Variants in COPG2 observed in about 807,000 individuals in gnomAD.
COPG2 encodes the protein coat protein complex I subunit gamma 2.
In COPG2, 37 loss-of-function variants were observed where a neutral mutation model predicts 46.3. That is an observed-to-expected ratio of 0.80 (90% confidence interval 0.61 to 1.05). The LOEUF (loss-of-function observed/expected upper bound fraction) is 1.05, where lower values mean the gene tolerates loss of function less well. COPG2 is among the 50% of genes least tolerant of loss of function. The pLI is 0.00. For synonymous variants in COPG2, 159 were observed against 129.7 expected (o/e 1.23, Z -1.53); for missense variants, 427 against 387.8 (o/e 1.10, Z -0.85).
chr7:130,620,806 G>T (rs1029071310), intron 5 of COPG2, among the ~76,000 whole-genome samples: 3 of 152,140 alleles, frequency 2.0e-5, no homozygotes, highest in Non-Finnish European at 2.9e-5. Flanking sequence ...TTAGATTTTG[G>T]AAGATTTTTA....
intron 20 of COPG2, among the ~76,000 whole-genome samples, chr7:130,524,702 T>A (rs1203575245): frequency 1.3e-5 from 2 of 151,740 alleles, no homozygotes; most frequent in African/African-American, 4.8e-5. Flanking sequence ...AAGCATAGTG[T>A]GGGTAAGATA....
At chr7:130,570,586 G>A (rs934805441) in intron 9 of COPG2, among the ~76,000 whole-genome samples, 65 of 152,258 alleles carry the variant, frequency 4.3e-4, no homozygotes, top group African/African-American at 1.5e-3. Context: ...GCTCATGGAT[G>A]AGTAGAATCA....
At chr7:130,665,440 T>C (rs1340664924) in intron 3 of COPG2, among the ~76,000 whole-genome samples, 1 of 152,130 alleles carries the variant, frequency 6.6e-6, no homozygotes, top group Non-Finnish European at 1.5e-5. Context: ...GAGTTCTGAA[T>C]CTGTGGATTC....
intron 5 of COPG2, among the ~76,000 whole-genome samples, chr7:130,646,746 A>G (rs571354875): frequency 1.3e-5 from 2 of 151,772 alleles, no homozygotes; most frequent in South Asian, 4.2e-4. Flanking sequence ...AGTTTTATAA[A>G]TGGCAGTTTT....
intron 9 of COPG2, among the ~76,000 whole-genome samples, chr7:130,595,353 A>AG (rs1284841244): frequency 6.6e-6 from 1 of 152,180 alleles, no homozygotes; most frequent in African/African-American, 2.4e-5. Context: ...CCAGGGCGAG[A>AG]GGGAAAAGGA....
At chr7:130,576,588 C>T (rs998010044) in intron 9 of COPG2, among the ~76,000 whole-genome samples, 2 of 151,916 alleles carry the variant, frequency 1.3e-5, no homozygotes, top group South Asian at 2.1e-4. Context: ...AAGTTCATAG[C>T]CCTCCATCAA....
chr7:130,513,308 A>AATATATATATATATATAT (rs1197540092), intron 20 of COPG2, among the ~76,000 whole-genome samples: 5 of 55,658 alleles, frequency 9.0e-5, no homozygotes, highest in South Asian at 7.1e-4. Context: ...AAAAAAAAAA[A>AATATATATATATATATAT]ATATATATAT....
At chr7:130,566,866 A>C (rs1793812313) in intron 9 of COPG2, among the ~76,000 whole-genome samples, 1 of 152,162 alleles carries the variant, frequency 6.6e-6, no homozygotes, top group African/African-American at 2.4e-5. Flanking sequence ...CACTTTGATC[A>C]AGGTCTATGA....
At chr7:130,550,934 A>G (rs1793527913) in intron 16 of COPG2, among the ~76,000 whole-genome samples, 1 of 152,228 alleles carries the variant, frequency 6.6e-6, no homozygotes, top group Non-Finnish European at 1.5e-5. Flanking sequence ...GGGAACAATG[A>G]TAGCATAAGA....
chr7:130,637,950 T>C (rs1174826319), intron 5 of COPG2, among the ~76,000 whole-genome samples: 1 of 152,204 alleles, frequency 6.6e-6, no homozygotes, highest in Non-Finnish European at 1.5e-5. Flanking sequence ...TTCCTTTCTG[T>C]TTGTTAGTTT....
intron 9 of COPG2, among the ~76,000 whole-genome samples, chr7:130,586,121 G>A (rs782135772): frequency 5.9e-5 from 9 of 152,026 alleles, no homozygotes; most frequent in East Asian, 1.9e-4. Context: ...TTATATGATG[G>A]AATACTACTC....
chr7:130,633,108 T>C (rs1584594670), intron 5 of COPG2, among the ~76,000 whole-genome samples: 1 of 152,300 alleles, frequency 6.6e-6, no homozygotes, highest in Middle Eastern at 3.4e-3. Context: ...TATTACATGG[T>C]GTATATGTGC....
chr7:130,605,646 A>G (rs975275417), intron 9 of COPG2: 43 of 482,572 alleles, frequency 8.9e-5, no homozygotes, highest in Non-Finnish European at 1.7e-4. Flanking sequence ...ACTAACCTCC[A>G]GCTGAAAGCC....
intron 5 of COPG2, among the ~76,000 whole-genome samples, chr7:130,643,231 C>A (rs782014163): frequency 2.6e-5 from 4 of 151,346 alleles, no homozygotes; most frequent in Non-Finnish European, 4.4e-5. Flanking sequence ...GGAGGCGGAG[C>A]TTGCACTGAG....
chr7:130,622,854 G>C (rs1215292976), intron 5 of COPG2, among the ~76,000 whole-genome samples: 1 of 152,136 alleles, frequency 6.6e-6, no homozygotes, highest in Non-Finnish European at 1.5e-5. Flanking sequence ...TCAGAGGCAA[G>C]AAAGCACCAA....
intron 20 of COPG2, among the ~76,000 whole-genome samples, chr7:130,531,439 C>T (rs1489836375): frequency 6.6e-6 from 1 of 151,280 alleles, no homozygotes; most frequent in Non-Finnish European, 1.5e-5. Flanking sequence ...CACCTTACCA[C>T]AAAAGTGGTG....
At chr7:130,542,853 G>C (rs1478110433) in intron 20 of COPG2, among the ~76,000 whole-genome samples, 1 of 152,174 alleles carries the variant, frequency 6.6e-6, no homozygotes, top group Non-Finnish European at 1.5e-5. Flanking sequence ...TGGAATAGGG[G>C]AAGGTGGAAT....
At chr7:130,548,619 T>C (rs991100710) in intron 18 of COPG2, 77 bp from the exon 19 acceptor site, 2 of 396,424 alleles carry the variant, frequency 5.0e-6, no homozygotes, top group Admixed American at 4.4e-5. Context: ...AATGCTTTAG[T>C]TGGCCAGGAG....
At chr7:130,509,660 A>C (rs1554440747) in intron 20 of COPG2, 1 of 518,218 alleles carries the variant, frequency 1.9e-6, no homozygotes, top group Non-Finnish European at 3.9e-6. Context: ...TAAAGGTATA[A>C]GCTTATGTGC....
Sources: gnomAD v4.1 joint callset for allele counts (sites outside exome capture counted in the v4.1 genomes callset) on GRCh38, gnomAD v4.1.1 for gene constraint, MANE v1.5 for transcripts, NCBI Gene and HGNC (gene_info 2026-07-23, HGNC 2026-07-21) for gene names.